Variants in OPCML observed in about 807,000 individuals in gnomAD.
The protein encoded by OPCML is opioid-binding protein/cell adhesion molecule.
OPCML carries 13 observed loss-of-function variants against 37.8 expected under a neutral mutation model. The observed-to-expected ratio is 0.34, with a 90% CI of 0.22 to 0.55. The LOEUF (loss-of-function observed/expected upper bound fraction) is 0.55. Ranked by LOEUF, OPCML falls within the 20% of genes least tolerant of loss-of-function variation. The probability of loss-of-function intolerance (pLI) is 0.91; values close to 1 mark genes in which losing one functional copy is unlikely to be tolerated. For synonymous variants in OPCML, 176 were observed against 168.8 expected (o/e 1.04, Z -0.33); for missense variants, 341 against 435.6 (o/e 0.78, Z 1.93).
At chr11:132,907,974 T>C (rs143649079) in intron 2 of OPCML, among the ~76,000 whole-genome samples, 2 of 152,214 alleles carry the variant, frequency 1.3e-5, no homozygotes, top group Non-Finnish European at 2.9e-5. Flanking sequence ...AAAAAAAAAT[T>C]GACTAAATGA....
At position 133,212,233 on chromosome 11, in the gene OPCML, AC is replaced by A. The variant is rs1247377177; in HGVS notation, c.62-269224del. ...ACAACAAAAGCAATTTTTCCTGCCCACCACCCCGATAGGTGCACAAAGTCCT... is the reference window on the plus strand; with the variant it reads ...ACAACAAAAGCAATTTTTCCTGCCCACACCCCGATAGGTGCACAAAGTCCT... On this transcript the variant is annotated intron_variant, in intron 1 of 7. Transcript: ENST00000524381. This position sits in a 1 kb window ranked among gnomAD's most constrained non-coding sequence, Gnocchi z 4.9. Among the ~76,000 whole-genome samples the A allele has an allele frequency of 6.6e-6, 1 of 152,098 alleles. No individual in the cohort carries two copies. The highest frequency in any genetic ancestry group is 1.5e-5 in the Non-Finnish European group (1 of 68,024).
chr11:133,210,234 C>G (rs1939297193), intron 1 of OPCML, among the ~76,000 whole-genome samples: 1 of 152,196 alleles, frequency 6.6e-6, no homozygotes, highest in African/African-American at 2.4e-5. Flanking sequence ...AGCCTTTTCA[C>G]TGAATTTGCT....
At chr11:133,431,927 A>C (rs1009955942) in intron 1 of OPCML, among the ~76,000 whole-genome samples, 2 of 151,872 alleles carry the variant, frequency 1.3e-5, no homozygotes, top group African/African-American at 4.8e-5. Context: ...TTGGAAGAAA[A>C]TATATCAAAA....
intron 3 of OPCML, among the ~76,000 whole-genome samples, chr11:132,623,375 C>G (rs146111220): frequency 1.3e-5 from 2 of 150,786 alleles, no homozygotes; most frequent in Non-Finnish European, 3.0e-5. Context: ...AAAACAACAA[C>G]AAAAAAACAG....
chr11:132,687,869 G>A (rs1429675201), intron 2 of OPCML, among the ~76,000 whole-genome samples: 1 of 152,040 alleles, frequency 6.6e-6, no homozygotes, highest in Non-Finnish European at 1.5e-5. Flanking sequence ...GACTTTTTTA[G>A]AGCTAAATGT....
chr11:133,273,009 A>T (rs1941894968), intron 1 of OPCML, among the ~76,000 whole-genome samples: 1 of 152,150 alleles, frequency 6.6e-6, no homozygotes, highest in Admixed American at 6.5e-5. Context: ...CTGCTGAGAG[A>T]GTGACTTCTT....
At chr11:132,995,012 A>C (rs554727489) in intron 1 of OPCML, among the ~76,000 whole-genome samples, 1 of 152,310 alleles carries the variant, frequency 6.6e-6, no homozygotes, top group East Asian at 1.9e-4. Context: ...TAAATAGCTG[A>C]CTATGAAACC....
chr11:132,969,779 G>A (rs183457818), intron 1 of OPCML, among the ~76,000 whole-genome samples: 100 of 152,030 alleles, frequency 6.6e-4, no homozygotes, highest in African/African-American at 1.9e-3. Flanking sequence ...GCTCAATTAC[G>A]TCTTATCAAT....
chr11:132,484,143 G>C (rs1434369512), intron 4 of OPCML, among the ~76,000 whole-genome samples: 1 of 151,984 alleles, frequency 6.6e-6, no homozygotes, highest in Non-Finnish European at 1.5e-5. Flanking sequence ...CTACAGAATG[G>C]GAGGAAATTT....
rs1939366879 is a variant in OPCML at position 133,211,696 on chromosome 11, G to T, written c.62-268686C>A. Among the ~76,000 whole-genome samples, 1 of 152,216 alleles carries T rather than the reference G, an allele frequency of 6.6e-6. No homozygotes were observed. Among genetic ancestry groups the T allele is most frequent in the Non-Finnish European group, 1.5e-5 (1 of 68,046 alleles). On this transcript the variant is annotated intron_variant, in intron 1 of 7. Coordinates refer to ENST00000524381, the MANE Select transcript of OPCML (RefSeq NM_001012393.5). The surrounding 1 kb of genome is among the most constrained non-coding windows in gnomAD (Gnocchi z 4.1). ...TGGGGCCAGGGAGTCATCTGGCTTT[G>T]TGGCAACACAGACTGTGTGGACTAA...
intron 1 of OPCML, among the ~76,000 whole-genome samples, chr11:133,082,230 G>A (rs1223128636): frequency 1.3e-5 from 2 of 151,708 alleles, no homozygotes; most frequent in Non-Finnish European, 2.9e-5. Context: ...CCGGGGTCCT[G>A]GGCCACTCCG....
chr11:133,208,086 T>A lies in OPCML; in HGVS notation c.62-265076A>T, dbSNP rs1939185069. 6.6e-6 allele frequency among the ~76,000 whole-genome samples: 1 copy of A among 152,200 alleles called. No individual in the cohort carries two copies. The highest frequency in any genetic ancestry group is 2.4e-5 in the African/African-American group (1 of 41,452). ...TCTGAGCTCCCATAGCATTATTTTTTTCTCTCTTCAGAGCATCTACCATGA... is the reference window on the plus strand; with the variant it reads ...TCTGAGCTCCCATAGCATTATTTTTATCTCTCTTCAGAGCATCTACCATGA... On this transcript the variant is annotated intron_variant, in intron 1 of 7. Transcript: ENST00000524381. The surrounding 1 kb of genome is among the most constrained non-coding windows in gnomAD (Gnocchi z 8.9).
chr11:132,787,593 C>G (rs1023822607), intron 2 of OPCML, among the ~76,000 whole-genome samples: 8 of 152,082 alleles, frequency 5.3e-5, no homozygotes, highest in African/African-American at 1.9e-4. Context: ...ATATTACAAG[C>G]ACTATGCAAG....
chr11:132,778,615 T>A (rs1946886724), intron 2 of OPCML, among the ~76,000 whole-genome samples: 1 of 152,236 alleles, frequency 6.6e-6, no homozygotes. Flanking sequence ...GTTGTATCTT[T>A]TATTTATTTG....
chr11:132,696,488 T>C (rs1943603824), intron 2 of OPCML, among the ~76,000 whole-genome samples: 2 of 152,276 alleles, frequency 1.3e-5, no homozygotes, highest in Admixed American at 6.5e-5. Flanking sequence ...CTTAGAGATT[T>C]AAGATGATAC....
chr11:133,250,944 C>A (rs563280274), intron 1 of OPCML, among the ~76,000 whole-genome samples: 1 of 152,016 alleles, frequency 6.6e-6, no homozygotes, highest in Non-Finnish European at 1.5e-5. Context: ...CACTGCCACA[C>A]CAAGCAGGAG....
chr11:132,660,840 A>G lies in OPCML; in HGVS notation c.147-3521T>C, dbSNP rs145898717. ...GTGACAAAGAAAGCCAAAGAAGTTTATCTCCTGGACGAAGTGTGAAGTGGG... is the reference window on the plus strand; with the variant it reads ...GTGACAAAGAAAGCCAAAGAAGTTTGTCTCCTGGACGAAGTGTGAAGTGGG... On this transcript the variant is annotated intron_variant, in intron 2 of 7. Coordinates refer to ENST00000524381, the MANE Select transcript of OPCML (RefSeq NM_001012393.5). Among the ~76,000 whole-genome samples the G allele has an allele frequency of 1.9e-3, 291 of 152,276 alleles. 1 individual carries two copies. Among genetic ancestry groups the G allele is most frequent in the African/African-American group, 6.7e-3 (277 of 41,558 alleles).
At chr11:132,592,976 C>T (rs887119026) in intron 3 of OPCML, among the ~76,000 whole-genome samples, 2 of 152,034 alleles carry the variant, frequency 1.3e-5, no homozygotes, top group Non-Finnish European at 1.5e-5. Flanking sequence ...AGCATGTTCA[C>T]GGAGTTCTGG....
At chr11:132,922,907 C>T (rs554726510) in intron 2 of OPCML, among the ~76,000 whole-genome samples, 4 of 151,576 alleles carry the variant, frequency 2.6e-5, no homozygotes, top group African/African-American at 9.7e-5. Flanking sequence ...CATCTCTACA[C>T]GTTTTTGTTT....
Sources: allele counts gnomAD v4.1 joint callset (sites outside exome capture counted in the v4.1 genomes callset), GRCh38; gene constraint gnomAD v4.1.1; non-coding constraint Gnocchi (gnomAD v3.1); transcripts MANE v1.5; gene names NCBI Gene and HGNC (gene_info 2026-07-23, HGNC 2026-07-21).